Variants in CCDC66 observed in about 807,000 individuals in gnomAD.
CCDC66 encodes the protein coiled-coil domain containing 66.
Under a neutral mutation model 128.3 loss-of-function variants are expected in CCDC66, and 133 were observed. That is an observed-to-expected ratio of 1.04 (90% confidence interval 0.90 to 1.20). CCDC66 has a LOEUF of 1.20. Among genes scored for constraint, CCDC66 ranks in the 50% most tolerant of loss-of-function variants. The probability of loss-of-function intolerance (pLI) is 0.00; values close to 1 mark genes in which losing one functional copy is unlikely to be tolerated. For missense variants in CCDC66, 1,126 were observed against 1,075.5 expected (o/e 1.05, Z -0.66); for synonymous variants, 387 against 357.0 (o/e 1.08, Z -0.95).
chr3:56,565,436 GCTAA>G (rs1446720599), intron 4 of CCDC66, among the ~76,000 whole-genome samples: 7 of 133,132 alleles, frequency 5.3e-5, no homozygotes, highest in Admixed American at 1.5e-4. Flanking sequence ...ACCACACCCG[GCTAA>G]CTTTTTTTTT....
intron 7 of CCDC66, among the ~76,000 whole-genome samples, chr3:56,583,557 C>T (rs184086605): frequency 0.016 from 2,411 of 151,708 alleles, 33 homozygotes; most frequent in Middle Eastern, 0.027. Flanking sequence ...TTGCACCGCC[C>T]TTAATCCATT....
At chr3:56,621,192 AAC>A (rs1320557683) in intron 17 of CCDC66, 26 of 166,772 alleles carry the variant, frequency 1.6e-4, no homozygotes, top group Non-Finnish European at 6.4e-5. Context: ...ACAAAAAAAA[AAC>A]ACTGTATGTT....
chr3:56,595,964 G>A (rs2071823736), intron 10 of CCDC66, among the ~76,000 whole-genome samples: 1 of 152,216 alleles, frequency 6.6e-6, no homozygotes, highest in East Asian at 1.9e-4. Context: ...GCGCAGTCTG[G>A]TATGCAGTGG....
chr3:56,617,837 A>T, intron 14 of CCDC66: 1 of 582,788 alleles, frequency 1.7e-6, no homozygotes, highest in South Asian at 2.3e-5. Context: ...ACACCAGACT[A>T]GCAACAGAAA....
intron 10 of CCDC66, among the ~76,000 whole-genome samples, chr3:56,603,753 G>A (rs953034917): frequency 6.6e-6 from 1 of 152,046 alleles, no homozygotes; most frequent in African/African-American, 2.4e-5. Flanking sequence ...TCAGAAGAAT[G>A]TAGATTCTGT....
At chr3:56,567,544 C>CA (rs1357880425) in intron 6 of CCDC66, among the ~76,000 whole-genome samples, 1 of 152,034 alleles carries the variant, frequency 6.6e-6, no homozygotes, top group African/African-American at 2.4e-5. Context: ...GGAAGTTTTA[C>CA]AAAATATAAA....
At position 56,615,137 on chromosome 3, in the gene CCDC66, A is replaced by G. The variant is rs140838811; in HGVS notation, c.1576A>G (p.Thr526Ala). The G allele has an allele frequency of 1.2e-6, 2 of 1,613,236 alleles. No individual in the cohort carries two copies. The highest frequency in any genetic ancestry group is 2.7e-5 in the African/African-American group (2 of 74,866). ...ACATCAATATTGACAGGAAATCATG[A>G]CTCTCAAGACAAATGAGCTATTCCA... ...LKQKQKEEIMTLKTNELFQTM... is the reference protein window; with the variant it reads ...LKQKQKEEIMALKTNELFQTM... The change falls in exon 12 of 18, where the codon ACT becomes GCT. Residue 526 changes from threonine (T) to alanine (A), a missense_variant. Thr to Ala is a moderately conservative substitution (Grantham distance 58). Coordinates refer to ENST00000394672, the MANE Select transcript of CCDC66 (RefSeq NM_001141947.3).
At chr3:56,566,296 T>C (rs745600977) in intron 4 of CCDC66, among the ~76,000 whole-genome samples, 90 of 152,122 alleles carry the variant, frequency 5.9e-4, no homozygotes, top group Non-Finnish European at 9.4e-4. Context: ...ACCTAATTTT[T>C]GTAATTTTTG....
rs1385808226 is a variant in CCDC66 at position 56,613,663 on chromosome 3, A to C, written c.1479A>C (p.Glu493Asp). ...QLEEEQRKKE[E>D]QEEELRLAQE... is the part of the protein sequence containing the mutation. ...AGGAAGAGCAAAGAAAGAAGGAAGA[A>C]CAAGAAGAGGAGCTTCGCTTAGCAC... The change falls in exon 11 of 18, where the codon GAA becomes GAC. Residue 493 changes from glutamate (E) to aspartate (D), a missense_variant. Physicochemically the swap from Glu to Asp is conservative, Grantham distance 45. Coordinates refer to ENST00000394672, the MANE Select transcript of CCDC66 (RefSeq NM_001141947.3). The C allele has an allele frequency of 1.9e-6, 3 of 1,614,136 alleles. No individual in the cohort carries two copies. Among genetic ancestry groups the C allele is most frequent in the Non-Finnish European group, 2.5e-6 (3 of 1,179,978 alleles).
chr3:56,574,065 T>C (rs539587418), intron 7 of CCDC66, among the ~76,000 whole-genome samples: 1 of 151,862 alleles, frequency 6.6e-6, no homozygotes, highest in South Asian at 2.1e-4. Flanking sequence ...TTTTTTTTAC[T>C]ATTTAAATGC....
At chr3:56,566,830 A>G (rs2065924207) in intron 5 of CCDC66, 71 bp downstream of exon 5, 3 of 1,507,070 alleles carry the variant, frequency 2.0e-6, no homozygotes, top group Non-Finnish European at 2.7e-6. Context: ...CTTTACTTGC[A>G]TGTGAAATAG....
intron 10 of CCDC66, among the ~76,000 whole-genome samples, chr3:56,598,460 G>C (rs2072534750): frequency 6.6e-6 from 1 of 151,840 alleles, no homozygotes; most frequent in Non-Finnish European, 1.5e-5. Flanking sequence ...TGTTGAATAA[G>C]AATGGTGAAA....
intron 10 of CCDC66, among the ~76,000 whole-genome samples, chr3:56,606,125 C>T (rs2074036252): frequency 1.3e-5 from 2 of 152,070 alleles, no homozygotes; most frequent in African/African-American, 2.4e-5. Flanking sequence ...CCTCACCCCA[C>T]CAAGCTTGAG....
At chr3:56,615,735 G>A (rs1249470504) in intron 12 of CCDC66, 187 bp from the exon 13 acceptor site, 9 of 391,204 alleles carry the variant, frequency 2.3e-5, no homozygotes, top group Non-Finnish European at 4.0e-5. Context: ...TATTTTTACC[G>A]AGAACAATTA....
At chr3:56,613,445 A>AGT (rs1349196937) in intron 10 of CCDC66, 144 bp from the exon 11 acceptor site, 4 of 809,150 alleles carry the variant, frequency 4.9e-6, no homozygotes, top group Non-Finnish European at 7.6e-6. Context: ...TGTTAGATCT[A>AGT]CGTGAAGTAT....
At chr3:56,580,560 T>C (rs1482030903) in intron 7 of CCDC66, among the ~76,000 whole-genome samples, 1 of 151,862 alleles carries the variant, frequency 6.6e-6, no homozygotes, top group Non-Finnish European at 1.5e-5. Flanking sequence ...GTTGTTCCTT[T>C]CCATGTTTAG....
At chr3:56,593,225 C>G (rs2071258390) in intron 8 of CCDC66, 124 bp downstream of exon 8, 4 of 872,462 alleles carry the variant, frequency 4.6e-6, no homozygotes, top group Non-Finnish European at 5.1e-6. Flanking sequence ...CACATTTGCC[C>G]ATGTGAACCT....
At chr3:56,592,942 T>C (rs1221224193) in intron 7 of CCDC66, 28 bp from the exon 8 acceptor site, 5 of 1,597,442 alleles carry the variant, frequency 3.1e-6, no homozygotes, top group Admixed American at 1.8e-5. Context: ...GAACTGAACT[T>C]TAGATGGCTT....
chr3:56,603,383 G>A (rs1265549163), intron 10 of CCDC66, among the ~76,000 whole-genome samples: 1 of 151,992 alleles, frequency 6.6e-6, no homozygotes, highest in East Asian at 1.9e-4. Context: ...ATGTTAGGGT[G>A]TCAATTTTAG....
Sources: gnomAD v4.1 joint callset for allele counts (sites outside exome capture counted in the v4.1 genomes callset) on GRCh38, gnomAD v4.1.1 for gene constraint, MANE v1.5 for transcripts, NCBI Gene and HGNC (gene_info 2026-07-23, HGNC 2026-07-21) for gene names.